NR5A2: variants seen among roughly 807,000 people sequenced by gnomAD.
The protein encoded by NR5A2 is nuclear receptor subfamily 5 group A member 2.
NR5A2 carries 26 observed loss-of-function variants against 62.7 expected under a neutral mutation model. That is an observed-to-expected ratio of 0.41 (90% CI 0.30 to 0.58). NR5A2 has a LOEUF of 0.58. Ranked by LOEUF, NR5A2 falls within the 20% of genes least tolerant of loss-of-function variation. NR5A2 has a pLI of 0.22. For missense variants in NR5A2, 541 were observed against 669.1 expected (o/e 0.81, Z 2.11); for synonymous variants, 246 against 241.7 (o/e 1.02, Z -0.16).
At chr1:200,068,023 T>C (rs1332831674) in intron 5 of NR5A2, among the ~76,000 whole-genome samples, 2 of 152,246 alleles carry the variant, frequency 1.3e-5, no homozygotes, top group African/African-American at 4.8e-5. Context: ...TTTCATCCGA[T>C]GTTTGCATCA....
chr1:200,036,549 T>C (rs1661787413), intron 1 of NR5A2, among the ~76,000 whole-genome samples: 2 of 152,156 alleles, frequency 1.3e-5, no homozygotes, highest in African/African-American at 4.8e-5. Context: ...CCCAGCTGCT[T>C]CCTTAAATCC....
chr1:200,158,342 T>C (rs183922174), intron 7 of NR5A2, among the ~76,000 whole-genome samples: 8 of 151,928 alleles, frequency 5.3e-5, no homozygotes, highest in Non-Finnish European at 1.2e-4. Flanking sequence ...TTGGCGGGAG[T>C]GAGATAAAGT....
At position 200,065,227 on chromosome 1, in the gene NR5A2, A is replaced by G. The variant is rs531337164; in HGVS notation, c.1110+16409A>G. On this transcript the variant is annotated intron_variant, in intron 5 of 7. Coordinates refer to ENST00000367362, the MANE Select transcript of NR5A2 (RefSeq NM_205860.3). ...AGTGGTGTGATCTTGGCTCACTGCA[A>G]CCTCTGCCTGGGTTCAAGTGATTCT... Among the ~76,000 whole-genome samples, 4 of 152,178 alleles carry G rather than the reference A, an allele frequency of 2.6e-5. 2 individuals are homozygous for G. Among genetic ancestry groups the G allele is most frequent in the African/African-American group, 9.6e-5 (4 of 41,528 alleles).
chr1:200,139,503 A>C (rs1276158195), intron 7 of NR5A2, among the ~76,000 whole-genome samples: 1 of 152,218 alleles, frequency 6.6e-6, no homozygotes, highest in African/African-American at 2.4e-5. Context: ...TCTTCTTTTT[A>C]GTAGAAAAAA....
Position 200,073,280 on chromosome 1 carries a change from ATATATATATAT to A in NR5A2, c.1110+24464_1110+24474del, listed in dbSNP as rs1558121806. 3.9e-4 allele frequency among the ~76,000 whole-genome samples: 41 copies of A among 104,070 alleles called. 2 individuals are homozygous for A. The South Asian group carries it at 0.012, about 31-fold the overall frequency. 68.3% of individuals were successfully genotyped at this position (104,070 alleles called of 152,430 possible). A position where few individuals can be genotyped will look rare whatever the true frequency, so the allele number is the denominator to read the frequency against. Reference sequence around the variant, plus strand: ...TATATATTCCCCTTTATATATATATATATATATATATTCCCCTTTATATATATATATATATT... The same window carrying A: ...TATATATTCCCCTTTATATATATATATCCCCTTTATATATATATATATATT... On this transcript the variant is annotated intron_variant, in intron 5 of 7. Coordinates refer to ENST00000367362, the MANE Select transcript of NR5A2 (RefSeq NM_205860.3).
At chr1:200,167,932 C>T (rs1233702192) in intron 7 of NR5A2, among the ~76,000 whole-genome samples, 1 of 152,156 alleles carries the variant, frequency 6.6e-6, no homozygotes, top group Admixed American at 6.5e-5. Context: ...AGCTGCCCAT[C>T]CTGTAAGGGC....
intron 1 of NR5A2, among the ~76,000 whole-genome samples, chr1:200,031,727 C>T (rs1432345917): frequency 7.9e-5 from 12 of 151,930 alleles, no homozygotes; most frequent in East Asian, 1.9e-4. Context: ...TACAGGTGCA[C>T]GCCACCACGC....
chr1:200,093,373 A>C (rs1436414092), intron 5 of NR5A2, among the ~76,000 whole-genome samples: 3 of 152,180 alleles, frequency 2.0e-5, no homozygotes, highest in Non-Finnish European at 4.4e-5. Flanking sequence ...CGGCTCATAA[A>C]ACACACACAT....
chr1:200,144,184 C>T (rs1667566814), intron 7 of NR5A2, among the ~76,000 whole-genome samples: 1 of 151,542 alleles, frequency 6.6e-6, no homozygotes, highest in Non-Finnish European at 1.5e-5. Flanking sequence ...TCACCACCAA[C>T]CACCACCGCC....
At chr1:200,041,609 C>T (rs888830238) in intron 2 of NR5A2, among the ~76,000 whole-genome samples, 2 of 152,194 alleles carry the variant, frequency 1.3e-5, no homozygotes, top group African/African-American at 4.8e-5. Context: ...CTTTCCAAGG[C>T]ACCGCCGTCC....
At chr1:200,135,463 G>C (rs1046934702) in intron 7 of NR5A2, among the ~76,000 whole-genome samples, 1 of 151,714 alleles carries the variant, frequency 6.6e-6, no homozygotes, top group African/African-American at 2.4e-5. Flanking sequence ...GGAGGTTGCG[G>C]CAAGCCAAGA....
chr1:200,039,064 G>A lies in NR5A2; in HGVS notation c.65-594G>A, dbSNP rs1428852347. Reference sequence around the variant, plus strand: ...CTCGGGGCTGGGAAGGGCCGTTCTCGGTCCCGCGCGGGGAGTGGACCAGGC... The same window carrying A: ...CTCGGGGCTGGGAAGGGCCGTTCTCAGTCCCGCGCGGGGAGTGGACCAGGC... On this transcript the variant is annotated intron_variant, in intron 1 of 7. Transcript: ENST00000367362. The surrounding 1 kb of genome is among the most constrained non-coding windows in gnomAD (Gnocchi z 5.1). 6.6e-6 allele frequency among the ~76,000 whole-genome samples: 1 copy of A among 151,982 alleles called. No individual in the cohort carries two copies. Among genetic ancestry groups the A allele is most frequent in the African/African-American group, 2.4e-5 (1 of 41,378 alleles).
chr1:200,134,448 C>T (rs1667126599), intron 7 of NR5A2, among the ~76,000 whole-genome samples: 1 of 152,206 alleles, frequency 6.6e-6, no homozygotes, highest in African/African-American at 2.4e-5. Flanking sequence ...CACTGTGTTA[C>T]AACTGCCTTC....
chr1:200,106,061 C>CCTCTG lies in NR5A2; in HGVS notation c.1111-5141_1111-5140insCTCTG, dbSNP rs373033375. Among the ~76,000 whole-genome samples, 21 of 115,064 alleles carry CCTCTG rather than the reference C, an allele frequency of 1.8e-4. 3 individuals are homozygous for CCTCTG. The East Asian group carries it at 2.0e-3, about 11-fold the overall frequency. The allele number at this position is 115,064 out of a possible 152,430, so 75.5% of individuals were successfully genotyped here. A position where few individuals can be genotyped will look rare whatever the true frequency, so the allele number is the denominator to read the frequency against. On this transcript the variant is annotated intron_variant, in intron 5 of 7. Coordinates refer to ENST00000367362, the MANE Select transcript of NR5A2 (RefSeq NM_205860.3). ...CTTCTAATTGTTGGCCAGATTCACT[C>CCTCTG]TTCTTTTTTTTTTTGAGACAGAGTC...
rs60736317 is a variant in NR5A2, at chr1:200,060,939, T to TAAA, written c.1110+12142_1110+12144dup. 1.3e-4 allele frequency among the ~76,000 whole-genome samples: 11 copies of TAAA among 87,846 alleles called. 1 individual carries two copies. The highest frequency in any genetic ancestry group is 3.8e-4 in the African/African-American group (9 of 23,672). 57.6% of individuals were successfully genotyped at this position (87,846 alleles called of 152,430 possible). On this transcript the variant is annotated intron_variant, in intron 5 of 7. Coordinates refer to ENST00000367362, the MANE Select transcript of NR5A2 (RefSeq NM_205860.3). Reference sequence around the variant, plus strand: ...CAAGATGGTGAAACCCCATCTCTACTAAAAAAAAAAAAAAAAAAAAAAATA... The same window carrying TAAA: ...CAAGATGGTGAAACCCCATCTCTACTAAAAAAAAAAAAAAAAAAAAAAAAAATA...
chr1:200,150,617 TA>T (rs1653037978), intron 7 of NR5A2, among the ~76,000 whole-genome samples: 2 of 152,206 alleles, frequency 1.3e-5, no homozygotes, highest in South Asian at 4.1e-4. Flanking sequence ...CCTGTGTATT[TA>T]AATGTCAAAA....
intron 5 of NR5A2, among the ~76,000 whole-genome samples, chr1:200,102,012 C>G (rs1016621385): frequency 1.2e-4 from 18 of 152,094 alleles, no homozygotes; most frequent in African/African-American, 4.1e-4. Context: ...TACTGTAAAC[C>G]TCAAAGATGT....
chr1:200,048,695 G>A lies in NR5A2; in HGVS notation c.987G>A (p.Glu329=). 1 of 1,614,208 alleles carries A rather than the reference G, an allele frequency of 6.2e-7. No homozygotes were observed. Among genetic ancestry groups the A allele is most frequent in the Non-Finnish European group, 8.5e-7 (1 of 1,180,034 alleles). The change falls in exon 5 of 8, where the codon GAG becomes GAA. Residue 329 remains glutamate, a synonymous_variant. Coordinates refer to ENST00000367362, the MANE Select transcript of NR5A2 (RefSeq NM_205860.3). This position sits in a 1 kb window ranked among gnomAD's most constrained non-coding sequence, Gnocchi z 4.8. ...AAATCATGGCCTATTTGCAGCAAGA[G>A]CAGGCTAACCGAAGCAAGCACGAAA... ...QAKIMAYLQQ[E]QANRSKHEKL...
intron 1 of NR5A2, among the ~76,000 whole-genome samples, chr1:200,035,629 C>A (rs1321475990): frequency 2.0e-5 from 3 of 152,124 alleles, no homozygotes; most frequent in East Asian, 3.9e-4. Context: ...GTGAATGGGG[C>A]GCGCACGGCC....
Sources: allele counts gnomAD v4.1 joint callset (sites outside exome capture counted in the v4.1 genomes callset), GRCh38; gene constraint gnomAD v4.1.1; non-coding constraint Gnocchi (gnomAD v3.1); transcripts MANE v1.5; gene names NCBI Gene and HGNC (gene_info 2026-07-23, HGNC 2026-07-21).